EMILIN2: variants seen among roughly 807,000 people sequenced by gnomAD.
EMILIN2 encodes elastin microfibril interfacer 2.
In EMILIN2, 71 loss-of-function variants were observed where a neutral mutation model predicts 87.1. The ratio of observed to expected loss-of-function variants is 0.82; its 90% CI spans 0.67 to 0.99. The LOEUF (loss-of-function observed/expected upper bound fraction) is 0.99. EMILIN2 is among the 50% of genes least tolerant of loss of function. The pLI, the probability that EMILIN2 is intolerant of heterozygous loss-of-function variation, is 0.00. For synonymous variants in EMILIN2, 581 were observed against 563.4 expected (o/e 1.03, Z -0.44); for missense variants, 1,407 against 1,371.8 (o/e 1.03, Z -0.40).
At position 2,848,709 on chromosome 18, in the gene EMILIN2, G is replaced by C. The variant is rs772578352; in HGVS notation, c.257+778G>C. Among the ~76,000 whole-genome samples, 5 of 151,958 alleles carry C rather than the reference G, an allele frequency of 3.3e-5. No individual in the cohort carries two copies. The highest frequency in any genetic ancestry group is 7.3e-5 in the Non-Finnish European group (5 of 68,034). ...GGGGTTTTGTATCAGTCTGATACCGGAAGATGGGCCAGTGTGAATAAATGG... is the reference window on the plus strand; with the variant it reads ...GGGGTTTTGTATCAGTCTGATACCGCAAGATGGGCCAGTGTGAATAAATGG... On this transcript the variant is annotated intron_variant, in intron 2 of 7. Transcript: ENST00000254528. The surrounding 1 kb of genome is among the most constrained non-coding windows in gnomAD (Gnocchi z 4.1).
intron 7 of EMILIN2, among the ~76,000 whole-genome samples, chr18:2,910,354 C>T (rs912604273): frequency 4.6e-5 from 7 of 152,228 alleles, no homozygotes; most frequent in Non-Finnish European, 1.5e-5. Context: ...TCTGCAGCGC[C>T]TGGCGTGTCC....
rs1057269181 is a variant in EMILIN2, at chr18:2,847,976, G to A, written c.257+45G>A. ...AGCGGGCGGGGCGCGCCCGGGCCGG[G>A]GCGGTGGGGGTGGGGTGGGGTTGCT... On this transcript the variant is annotated intron_variant, in intron 2 of 7. Coordinates refer to ENST00000254528, the MANE Select transcript of EMILIN2 (RefSeq NM_032048.3). This position sits in a 1 kb window ranked among gnomAD's most constrained non-coding sequence, Gnocchi z 4.5. 3.3e-6 allele frequency: 5 copies of A among 1,537,602 alleles called. No homozygotes were observed. The African/African-American group carries it at 6.8e-5, about 21-fold the overall frequency.
chr18:2,896,874 C>T (rs758289042), intron 4 of EMILIN2, among the ~76,000 whole-genome samples: 3 of 152,050 alleles, frequency 2.0e-5, no homozygotes, highest in Admixed American at 6.6e-5. Context: ...CAGTGGCTTA[C>T]GCCTGTAATC....
intron 4 of EMILIN2, among the ~76,000 whole-genome samples, chr18:2,900,727 C>G (rs10163804): frequency 6.6e-6 from 1 of 152,154 alleles, no homozygotes; most frequent in African/African-American, 2.4e-5. Flanking sequence ...ATGAGTCCAG[C>G]ATTTCTCATG....
At chr18:2,873,830 T>C (rs933698864) in intron 2 of EMILIN2, among the ~76,000 whole-genome samples, 2 of 152,192 alleles carry the variant, frequency 1.3e-5, no homozygotes, top group Admixed American at 1.3e-4. Flanking sequence ...GTACAGGAGT[T>C]GTAGCAGCCC....
Position 2,914,746 on chromosome 18 carries a change from ATT to A in EMILIN2, c.*1344_*1345del, listed in dbSNP as rs2076958051. The A allele has an allele frequency of 1.4e-5, 2 of 147,834 alleles. No homozygotes were observed. Among genetic ancestry groups the A allele is most frequent in the African/African-American group, 5.0e-5 (2 of 39,892 alleles). 9.2% of individuals were successfully genotyped at this position (147,834 alleles called of 1,614,324 possible). On this transcript the variant is annotated 3_prime_UTR_variant, in exon 8 of 8. Transcript: ENST00000254528. ...TGCTTTAAGAATTGTTTGCAAATGA[ATT>A]TACAGGGTGGCCACTGGACACTTCA...
At chr18:2,898,518 T>C (rs2076873884) in intron 4 of EMILIN2, among the ~76,000 whole-genome samples, 1 of 152,120 alleles carries the variant, frequency 6.6e-6, no homozygotes, top group South Asian at 2.1e-4. Flanking sequence ...GACTTCTCTT[T>C]CCAGATGTCA....
In EMILIN2 at chr18:2,890,123, T is replaced by G. The variant is rs1241701950; in HGVS notation, c.434-438T>G. Reference sequence around the variant, plus strand: ...TTGCTAAAGTGGTTTCTTGTGGTTTTACTGTATGCAGTCAACTCTTGGGGT... The same window carrying G: ...TTGCTAAAGTGGTTTCTTGTGGTTTGACTGTATGCAGTCAACTCTTGGGGT... On this transcript the variant is annotated intron_variant, in intron 3 of 7. Coordinates refer to ENST00000254528, the MANE Select transcript of EMILIN2 (RefSeq NM_032048.3). This position sits in a 1 kb window ranked among gnomAD's most constrained non-coding sequence, Gnocchi z 4.7. 6.6e-6 allele frequency among the ~76,000 whole-genome samples: 1 copy of G among 152,354 alleles called. No individual in the cohort carries two copies. Among genetic ancestry groups the G allele is most frequent in the East Asian group, 1.9e-4 (1 of 5,186 alleles).
rs1364883502 is a variant in EMILIN2, at chr18:2,890,570, C to A, written c.443C>A (p.Pro148His). Residue 148 changes from proline to histidine, a missense_variant, in exon 4 of 8, where the codon CCC becomes CAC. Pro to His is a moderately conservative substitution (Grantham distance 77). Coordinates refer to ENST00000254528, the MANE Select transcript of EMILIN2 (RefSeq NM_032048.3). This position sits in a 1 kb window ranked among gnomAD's most constrained non-coding sequence, Gnocchi z 4.7. Reference protein sequence around the residue: ...NSLKKATDNEPSQFSEPRKTL... With the variant: ...NSLKKATDNEHSQFSEPRKTL... ...TTTATCTTTGTAACAGATAATGAAC[C>A]CAGCCAATTCTCAGAGCCCAGGAAG... is the stretch of plus-strand genomic sequence containing the variant. The A allele has an allele frequency of 3.8e-6, 6 of 1,565,322 alleles. No individual in the cohort carries two copies. Among genetic ancestry groups the A allele is most frequent in the Non-Finnish European group, 5.2e-6 (6 of 1,152,276 alleles).
At chr18:2,882,770 C>A (rs1002496765) in intron 2 of EMILIN2, among the ~76,000 whole-genome samples, 1 of 151,922 alleles carries the variant, frequency 6.6e-6, no homozygotes, top group African/African-American at 2.4e-5. Context: ...GTAATCCCAG[C>A]TACTTGGGAG....
At chr18:2,855,507 C>T (rs1233412234) in intron 2 of EMILIN2, among the ~76,000 whole-genome samples, 4 of 152,158 alleles carry the variant, frequency 2.6e-5, no homozygotes, top group South Asian at 2.1e-4. Context: ...AATTAAGCTC[C>T]GTAACTGGTC....
intron 2 of EMILIN2, among the ~76,000 whole-genome samples, chr18:2,881,920 T>C (rs757093882): frequency 9.2e-5 from 14 of 152,122 alleles, no homozygotes; most frequent in Non-Finnish European, 1.9e-4. Flanking sequence ...GGTGGGATGC[T>C]CAGGAATGGG....
intron 4 of EMILIN2, among the ~76,000 whole-genome samples, chr18:2,895,521 G>A (rs926526184): frequency 1.2e-4 from 18 of 152,164 alleles, no homozygotes; most frequent in East Asian, 3.9e-4. Flanking sequence ...TTGGCTCAGC[G>A]GTTCTTCTGC....
chr18:2,911,378 C>T (rs1040343948), intron 7 of EMILIN2, among the ~76,000 whole-genome samples: 1 of 152,322 alleles, frequency 6.6e-6, no homozygotes, highest in Non-Finnish European at 1.5e-5. Context: ...GGAGGTCACA[C>T]ACCAGTTAAA....
chr18:2,866,339 T>A (rs930907680), intron 2 of EMILIN2, among the ~76,000 whole-genome samples: 1 of 152,242 alleles, frequency 6.6e-6, no homozygotes, highest in African/African-American at 2.4e-5. Context: ...CTTGGCTCCT[T>A]CCCCTCTATG....
intron 4 of EMILIN2, 125 bp from the exon 5 acceptor site, chr18:2,906,658 C>T (rs2076913973): frequency 2.7e-6 from 2 of 747,340 alleles, no homozygotes; most frequent in Non-Finnish European, 3.6e-6. Flanking sequence ...CCTGACGTCG[C>T]AGGGGTGGCC....
intron 2 of EMILIN2, among the ~76,000 whole-genome samples, chr18:2,881,445 T>G (rs936237256): frequency 2.6e-5 from 4 of 152,212 alleles, no homozygotes; most frequent in Admixed American, 2.6e-4. Flanking sequence ...TCCAGGGAAC[T>G]TTCCTACATT....
At chr18:2,874,263 C>T (rs1470693858) in intron 2 of EMILIN2, among the ~76,000 whole-genome samples, 5 of 152,056 alleles carry the variant, frequency 3.3e-5, no homozygotes, top group Non-Finnish European at 5.9e-5. Context: ...TTATATTGCC[C>T]AGGCTGGTCT....
At position 2,891,824 on chromosome 18, in the gene EMILIN2, G is replaced by A. The variant is rs1598499862; in HGVS notation, c.1697G>A (p.Gly566Asp). 6.2e-7 allele frequency: 1 copy of A among 1,614,214 alleles called. No homozygotes were observed. The highest frequency in any genetic ancestry group is 8.5e-7 in the Non-Finnish European group (1 of 1,180,052). ...NIQGKPHGMEGALPNREDRAV... is the reference protein window; with the variant it reads ...NIQGKPHGMEDALPNREDRAV... ...CAGGGAAAGCCTCATGGGATGGAAG[G>A]TGCCTTGCCAAACAGGGAAGACCGC... is the stretch of plus-strand genomic sequence containing the variant. Residue 566 changes from glycine (G) to aspartate (D), a missense_variant, in exon 4 of 8, where the codon GGT becomes GAT. Physicochemically the swap from Gly to Asp is moderately conservative, Grantham distance 94. Coordinates refer to ENST00000254528, the MANE Select transcript of EMILIN2 (RefSeq NM_032048.3). This position sits in a 1 kb window ranked among gnomAD's most constrained non-coding sequence, Gnocchi z 4.6.
Sources: allele counts gnomAD v4.1 joint callset (sites outside exome capture counted in the v4.1 genomes callset), GRCh38; gene constraint gnomAD v4.1.1; non-coding constraint Gnocchi (gnomAD v3.1); transcripts MANE v1.5; gene names NCBI Gene and HGNC (gene_info 2026-07-23, HGNC 2026-07-21).